The following SMC6 variants were observed in gnomAD, a reference collection of about 807,000 sequenced individuals.
SMC6 encodes the protein structural maintenance of chromosomes protein 6.
Under a neutral mutation model 142.2 loss-of-function variants are expected in SMC6, and 79 were observed. That is an observed-to-expected ratio of 0.56 (90% CI 0.46 to 0.67). SMC6 has a LOEUF of 0.67. SMC6 is among the 30% of genes least tolerant of loss of function. SMC6 has a pLI of 0.00. For missense variants in SMC6, 1,072 were observed against 1,284.0 expected (o/e 0.83, Z 2.52); for synonymous variants, 411 against 412.4 (o/e 1.00, Z 0.04).
rs937284345 is a variant in SMC6, at chr2:17,709,341, G to C, written c.1731-588C>G. Among the ~76,000 whole-genome samples the C allele has an allele frequency of 4.6e-5, 7 of 152,148 alleles. No individual in the cohort carries two copies. The East Asian group carries it at 1.2e-3, about 25-fold the overall frequency. On this transcript the variant is annotated intron_variant, in intron 16 of 27. Coordinates refer to ENST00000448223, the MANE Select transcript of SMC6 (RefSeq NM_001142286.2). ...AAGTAAAGTTTATTACCAACACAGA[G>C]GAAATATGAAAGAAAAGATATTCTT...
chr2:17,678,073 T>A (rs1313593976), intron 25 of SMC6, among the ~76,000 whole-genome samples: 1 of 152,028 alleles, frequency 6.6e-6, no homozygotes, highest in African/African-American at 2.4e-5. Context: ...AAAGAACCCA[T>A]CAAATCAAGT....
intron 4 of SMC6, 46 bp downstream of exon 4, chr2:17,741,566 C>G: frequency 8.0e-7 from 1 of 1,246,124 alleles, no homozygotes; most frequent in Non-Finnish European, 1.1e-6. Flanking sequence ...GTACTCTAAT[C>G]TCAAAGTACT....
At chr2:17,698,048 A>C (rs1328701723) in intron 21 of SMC6, among the ~76,000 whole-genome samples, 1 of 152,066 alleles carries the variant, frequency 6.6e-6, no homozygotes, top group Non-Finnish European at 1.5e-5. Context: ...AAGACCACAT[A>C]CTATATGATT....
At chr2:17,707,155 G>A in intron 18 of SMC6, 64 bp downstream of exon 18, 1 of 1,288,954 alleles carries the variant, frequency 7.8e-7, no homozygotes, top group Non-Finnish European at 1.0e-6. Flanking sequence ...AGAGTAATAT[G>A]AAAGAAAATG....
intron 25 of SMC6, 24 bp downstream of exon 25, chr2:17,678,835 G>T (rs773684089): frequency 6.8e-7 from 1 of 1,473,792 alleles, no homozygotes; most frequent in South Asian, 1.2e-5. Context: ...TAATGATTAG[G>T]ATGAAAAGAA....
chr2:17,743,847 A>G (rs1221033790), intron 3 of SMC6, among the ~76,000 whole-genome samples: 1 of 152,202 alleles, frequency 6.6e-6, no homozygotes, highest in African/African-American at 2.4e-5. Context: ...TACAGCATGT[A>G]GCCTTTTCTG....
chr2:17,737,104 T>G (rs1670194134), intron 5 of SMC6, among the ~76,000 whole-genome samples: 1 of 152,180 alleles, frequency 6.6e-6, no homozygotes, highest in South Asian at 2.1e-4. Context: ...CAAATAGTTT[T>G]TTCCCAAGGC....
At chr2:17,732,009 A>G (rs1669935426) in intron 5 of SMC6, 132 bp from the exon 6 acceptor site, 5 of 752,484 alleles carry the variant, frequency 6.6e-6, no homozygotes, top group Non-Finnish European at 1.1e-5. Context: ...ATTTACATCA[A>G]CAGCTGACAC....
chr2:17,665,349 T>A lies in SMC6; in HGVS notation c.*150A>T, dbSNP rs923178533. The stretch of plus-strand genomic sequence containing the variant: ...CAGGTTGTAGTTGGTTTTCCAGGCT[T>A]ATTTATATGTTTGATTGTGGTTGGA... On this transcript the variant is annotated 3_prime_UTR_variant, in exon 28 of 28. Coordinates refer to ENST00000448223, the MANE Select transcript of SMC6 (RefSeq NM_001142286.2). 6 of 401,802 alleles carry A rather than the reference T, an allele frequency of 1.5e-5. No homozygotes were observed. Among genetic ancestry groups the A allele is most frequent in the Admixed American group, 1.3e-4 (3 of 22,602 alleles). 24.9% of individuals were successfully genotyped at this position (401,802 alleles called of 1,614,324 possible). A position where few individuals can be genotyped will look rare whatever the true frequency, so the allele number is the denominator to read the frequency against.
Position 17,716,272 on chromosome 2 carries a change from A to T in SMC6, c.1347-8T>A. On this transcript the variant is annotated splice_region_variant and splice_polypyrimidine_tract_variant and intron_variant, in intron 14 of 27. Transcript: ENST00000448223. Reference sequence around the variant, plus strand: ...ACATCTAATTCTTCTCTCCTAAAAAACAAAAGCAGAAAAACAGAACATATA... The same window carrying T: ...ACATCTAATTCTTCTCTCCTAAAAATCAAAAGCAGAAAAACAGAACATATA... 6.2e-7 allele frequency: 1 copy of T among 1,600,642 alleles called. No individual in the cohort carries two copies. Among genetic ancestry groups the T allele is most frequent in the South Asian group, 1.1e-5 (1 of 88,584 alleles).
At chr2:17,751,036 C>G (rs903860604) in intron 2 of SMC6, among the ~76,000 whole-genome samples, 2 of 143,344 alleles carry the variant, frequency 1.4e-5, no homozygotes, top group Non-Finnish European at 1.5e-5. Flanking sequence ...AAAAGATTCT[C>G]TAATGTTACT....
At chr2:17,737,940 A>G (rs1042698792) in intron 5 of SMC6, among the ~76,000 whole-genome samples, 5 of 152,194 alleles carry the variant, frequency 3.3e-5, no homozygotes, top group African/African-American at 9.7e-5. Flanking sequence ...TAAACAGGGT[A>G]CATAGATTTA....
rs543389463 is a variant in SMC6 at position 17,725,417 on chromosome 2, TAAAAAG to T, written c.625-65_625-60del. 2.6e-4 allele frequency: 312 copies of T among 1,216,386 alleles called. 1 individual carries two copies. In the African/African-American group the frequency reaches 4.4e-3, roughly 17 times the overall value. 75.3% of individuals were successfully genotyped at this position (1,216,386 alleles called of 1,614,324 possible). A position where few individuals can be genotyped will look rare whatever the true frequency, so the allele number is the denominator to read the frequency against. ...AGTTTGTAAACTTCCATAGAACTGTTAAAAAGAAAAAGAAAAATTTAGTTTCTGAAA... is the reference window on the plus strand; with the variant it reads ...AGTTTGTAAACTTCCATAGAACTGTTAAAAAGAAAAATTTAGTTTCTGAAA... On this transcript the variant is annotated intron_variant, in intron 8 of 27. Transcript: ENST00000448223.
At chr2:17,719,464 G>C (rs1669263847) in intron 11 of SMC6, among the ~76,000 whole-genome samples, 1 of 152,112 alleles carries the variant, frequency 6.6e-6, no homozygotes, top group Admixed American at 6.5e-5. Context: ...TTACAACATA[G>C]AGTATGCAAA....
intron 26 of SMC6, among the ~76,000 whole-genome samples, chr2:17,670,102 A>C (rs1666685214): frequency 6.6e-6 from 1 of 152,242 alleles, no homozygotes; most frequent in Admixed American, 6.5e-5. Flanking sequence ...TAAAACAAAA[A>C]GTCTGAACAT....
rs2125013023 is a variant in SMC6 at position 17,720,969 on chromosome 2, T to C, written c.916A>G (p.Arg306Gly). ...NIKIGEDRAARLDRKMEEQQV... is the reference protein window; with the variant it reads ...NIKIGEDRAAGLDRKMEEQQV... ...TGTTCTTCCATTTTCCTGTCAAGTCTAGCAGCACGATCTTCTCCAATTTTG... is the reference window on the plus strand; with the variant it reads ...TGTTCTTCCATTTTCCTGTCAAGTCCAGCAGCACGATCTTCTCCAATTTTG... The change falls in exon 11 of 28, where the codon AGA becomes GGA. Residue 306 changes from arginine (R) to glycine (G), a missense_variant. Physicochemically the swap from Arg to Gly is moderately radical, Grantham distance 125. This residue lies in a region of SMC6 where 994 missense variants were observed against 1,153.2 expected (regional missense o/e 0.86). Transcript: ENST00000448223. The C allele has an allele frequency of 6.2e-7, 1 of 1,613,678 alleles. No homozygotes were observed. Among genetic ancestry groups the C allele is most frequent in the Non-Finnish European group, 8.5e-7 (1 of 1,179,862 alleles).
At chr2:17,698,553 GATTATT>G (rs1033412176) in intron 21 of SMC6, among the ~76,000 whole-genome samples, 4 of 151,864 alleles carry the variant, frequency 2.6e-5, no homozygotes, top group African/African-American at 9.7e-5. Context: ...GTTTTCCATT[GATTATT>G]ATTTGCAAGA....
chr2:17,710,110 G>A (rs943483311), intron 16 of SMC6, among the ~76,000 whole-genome samples: 2 of 152,172 alleles, frequency 1.3e-5, no homozygotes, highest in African/African-American at 2.4e-5. Flanking sequence ...TGAGACTGTG[G>A]TGCCAAGTAA....
At chr2:17,684,824 T>G (rs1242468976) in intron 23 of SMC6, among the ~76,000 whole-genome samples, 1 of 152,034 alleles carries the variant, frequency 6.6e-6, no homozygotes, top group African/African-American at 2.4e-5. Flanking sequence ...AGAGCCTGTC[T>G]TAAAGAATAA....
Sources: gnomAD v4.1 joint callset for allele counts (sites outside exome capture counted in the v4.1 genomes callset) on GRCh38, gnomAD v4.1.1 for gene constraint, gnomAD v4.1.1 regional missense constraint, MANE v1.5 for transcripts, NCBI Gene and HGNC (gene_info 2026-07-23, HGNC 2026-07-21) for gene names.